The following TUSC3 variants were observed in gnomAD, a reference collection of about 807,000 sequenced individuals.
The protein encoded by TUSC3 is tumor suppressor candidate 3, also known as dolichyl-diphosphooligosaccharide--protein glycosyltransferase subunit TUSC3.
A neutral mutation model predicts 44.8 loss-of-function variants in TUSC3; 45 were observed. That is an observed-to-expected ratio of 1.00 (90% confidence interval 0.79 to 1.29). The LOEUF is 1.29. Ranked by LOEUF, TUSC3 falls within the 50% of genes most tolerant of loss-of-function variation. The pLI, the probability that TUSC3 is intolerant of heterozygous loss-of-function variation, is 0.00. For missense variants in TUSC3, 519 were observed against 437.9 expected, an observed-to-expected ratio of 1.19 and a Z score of -1.65; for synonymous variants, 212 against 152.9, an observed-to-expected ratio of 1.39 and a Z score of -2.85.
intron 1 of TUSC3, among the ~76,000 whole-genome samples, chr8:15,612,496 T>A (rs933064601): frequency 2.0e-5 from 3 of 152,192 alleles, no homozygotes; most frequent in Non-Finnish European, 4.4e-5. Context: ...TGTAGTAAAA[T>A]GTGAATTGAG....
At chr8:15,836,860 C>T in the TUSC3 span, among the ~76,000 whole-genome samples, 3 of 152,026 alleles carry the variant, frequency 2.0e-5, no homozygotes, top group South Asian at 6.2e-4. Flanking sequence ...TTTCCTCTCC[C>T]TTCCCTCCCT....
At chr8:15,780,235 G>A in the TUSC3 span, among the ~76,000 whole-genome samples, 1 of 152,124 alleles carries the variant, frequency 6.6e-6, no homozygotes, top group East Asian at 1.9e-4. Flanking sequence ...CCTTAAATGG[G>A]TAGGCAAAGC....
chr8:15,583,260 G>C (rs769552709), intron 1 of TUSC3, among the ~76,000 whole-genome samples: 1 of 152,172 alleles, frequency 6.6e-6, no homozygotes, highest in Non-Finnish European at 1.5e-5. Context: ...TTTGATCACA[G>C]TGATTATAGA....
chr8:15,538,524 T>C (rs908370461), upstream of TUSC3, among the ~76,000 whole-genome samples: 1 of 152,238 alleles, frequency 6.6e-6, no homozygotes, highest in Non-Finnish European at 1.5e-5. Flanking sequence ...AAATTTTTTC[T>C]GGGCCTTAAT....
At chr8:15,446,771 T>C (rs1186697625) in intron 1 of TUSC3, among the ~76,000 whole-genome samples, 1 of 148,904 alleles carries the variant, frequency 6.7e-6, no homozygotes, top group Admixed American at 6.7e-5. Context: ...GAGAGCTATT[T>C]TTTTTTAACT....
intron 1 of TUSC3, among the ~76,000 whole-genome samples, chr8:15,542,731 T>C (rs1801733142): frequency 6.6e-6 from 1 of 152,206 alleles, no homozygotes; most frequent in East Asian, 1.9e-4. Flanking sequence ...ATTTTTGAAA[T>C]GAAAAATTAG....
At chr8:15,564,845 A>G (rs1256827341) in intron 1 of TUSC3, among the ~76,000 whole-genome samples, 2 of 151,996 alleles carry the variant, frequency 1.3e-5, no homozygotes, top group African/African-American at 2.4e-5. Context: ...TTGCATCACA[A>G]GCTTCCCCGT....
intron 7 of TUSC3, among the ~76,000 whole-genome samples, chr8:15,739,358 T>C: frequency 6.6e-6 from 1 of 152,202 alleles, no homozygotes; most frequent in Non-Finnish European, 1.5e-5. Context: ...AGCATACTTC[T>C]GGCACATATA....
intron 1 of TUSC3, among the ~76,000 whole-genome samples, chr8:15,466,375 T>C (rs1004813722): frequency 3.3e-5 from 5 of 152,192 alleles, no homozygotes. Context: ...TACATGACTT[T>C]CTATACCTTA....
intron 2 of TUSC3, among the ~76,000 whole-genome samples, chr8:15,628,343 C>G (rs1361273000): frequency 2.6e-5 from 4 of 152,104 alleles, no homozygotes; most frequent in Non-Finnish European, 4.4e-5. Flanking sequence ...TAGTATTTTA[C>G]TTAATGCATT....
At chr8:15,777,628 G>A in the TUSC3 span, among the ~76,000 whole-genome samples, 953 of 151,990 alleles carry the variant, frequency 6.3e-3, 3 homozygotes, top group Middle Eastern at 0.02. Flanking sequence ...ATTTTTGCAC[G>A]TAATTTTATT....
At chr8:15,648,543 G>A (rs1024611807) in intron 2 of TUSC3, among the ~76,000 whole-genome samples, 2 of 151,572 alleles carry the variant, frequency 1.3e-5, no homozygotes, top group East Asian at 2.0e-4. Flanking sequence ...TGGCTAAGAC[G>A]GTGAAACCCT....
chr8:15,662,934 C>T (rs1448957039), intron 5 of TUSC3, among the ~76,000 whole-genome samples: 1 of 151,754 alleles, frequency 6.6e-6, no homozygotes, highest in Non-Finnish European at 1.5e-5. Context: ...ATTCTAAAGT[C>T]GTTAAGGCCA....
chr8:15,430,119 T>G (rs1026099422), intron 1 of TUSC3, among the ~76,000 whole-genome samples: 1 of 149,892 alleles, frequency 6.7e-6, no homozygotes, highest in Non-Finnish European at 1.5e-5. Flanking sequence ...CCTCCCTAAT[T>G]CATTTTATGA....
At chr8:15,527,592 C>T (rs1585076762) in intron 2 of TUSC3, among the ~76,000 whole-genome samples, 1 of 152,046 alleles carries the variant, frequency 6.6e-6, no homozygotes, top group African/African-American at 2.4e-5. Flanking sequence ...TTTTTGAGAG[C>T]TATGGTCTTA....
intron 1 of TUSC3, among the ~76,000 whole-genome samples, chr8:15,606,471 C>G (rs570518929): frequency 2.6e-5 from 4 of 151,932 alleles, no homozygotes; most frequent in Admixed American, 2.6e-4. Flanking sequence ...TGTGGGTGCC[C>G]CTAACCTTCC....
intron 6 of TUSC3, among the ~76,000 whole-genome samples, chr8:15,676,804 A>C (rs1222914254): frequency 6.6e-6 from 1 of 152,172 alleles, no homozygotes; most frequent in Non-Finnish European, 1.5e-5. Context: ...CTTAGATGTA[A>C]TTTTGACTTC....
upstream of TUSC3, among the ~76,000 whole-genome samples, chr8:15,538,210 G>A (rs1801553850): frequency 6.6e-6 from 1 of 152,150 alleles, no homozygotes; most frequent in African/African-American, 2.4e-5. Flanking sequence ...TAGCCAATTA[G>A]GTAATTTCCT....
At chr8:15,593,204 G>C (rs868663778) in intron 1 of TUSC3, among the ~76,000 whole-genome samples, 3 of 152,048 alleles carry the variant, frequency 2.0e-5, no homozygotes, top group South Asian at 4.1e-4. Flanking sequence ...TTCTGCCTCA[G>C]CCTCCTGAGT....
Sources: allele counts gnomAD v4.1 joint callset (sites outside exome capture counted in the v4.1 genomes callset), GRCh38; gene constraint gnomAD v4.1.1; transcripts MANE v1.5; gene names NCBI Gene and HGNC (gene_info 2026-07-23, HGNC 2026-07-21).